Variants in NKAIN2 observed in about 807,000 individuals in gnomAD.
NKAIN2 encodes the protein sodium/potassium transporting ATPase interacting 2, also known as sodium/potassium-transporting ATPase subunit beta-1-interacting protein 2.
NKAIN2 carries 14 observed loss-of-function variants against 32.6 expected under a neutral mutation model. The ratio of observed to expected loss-of-function variants is 0.43; its 90% confidence interval spans 0.28 to 0.67. The LOEUF (loss-of-function observed/expected upper bound fraction) is 0.67. NKAIN2 is among the 30% of genes least tolerant of loss of function. The pLI is 0.17. For missense variants in NKAIN2, 198 were observed against 258.3 expected (o/e 0.77, Z 1.60); for synonymous variants, 80 against 87.2 (o/e 0.92, Z 0.46).
intron 5 of NKAIN2, among the ~76,000 whole-genome samples, chr6:124,792,998 A>G (rs1398197995): frequency 6.6e-6 from 1 of 152,116 alleles, no homozygotes; most frequent in East Asian, 1.9e-4. Flanking sequence ...GAAGAGACTC[A>G]AGAGGGGGAA....
Position 124,189,180 on chromosome 6 carries a change from C to T in NKAIN2, c.55-93825C>T, listed in dbSNP as rs1400688058. On this transcript the variant is annotated intron_variant, in intron 1 of 6. Transcript: ENST00000368417. ...ATCAGAAATAACCCAAGCAACAAAC[C>T]ATGAGATTATTCAGATAAATATAAT... 2.6e-5 allele frequency among the ~76,000 whole-genome samples: 4 copies of T among 152,184 alleles called. No individual in the cohort carries two copies. The East Asian group carries it at 7.7e-4, about 29-fold the overall frequency.
intron 3 of NKAIN2, among the ~76,000 whole-genome samples, chr6:124,584,371 G>T (rs1490712007): frequency 6.6e-6 from 1 of 152,108 alleles, no homozygotes; most frequent in Non-Finnish European, 1.5e-5. Context: ...GACATATAAG[G>T]CCAGGCATGG....
intron 3 of NKAIN2, among the ~76,000 whole-genome samples, chr6:124,418,096 T>C (rs1056810654): frequency 6.6e-6 from 1 of 152,066 alleles, no homozygotes; most frequent in African/African-American, 2.4e-5. Flanking sequence ...GCATTAAATA[T>C]ATTTCAGCTT....
chr6:123,878,765 T>G (rs1302437796), intron 1 of NKAIN2, among the ~76,000 whole-genome samples: 1 of 152,150 alleles, frequency 6.6e-6, no homozygotes, highest in Non-Finnish European at 1.5e-5. Context: ...TACTCTATAT[T>G]TTGGCATTGC....
intron 1 of NKAIN2, among the ~76,000 whole-genome samples, chr6:123,933,357 T>C (rs1776349894): frequency 6.6e-6 from 1 of 152,226 alleles, no homozygotes; most frequent in Admixed American, 6.5e-5. Context: ...ATTTAACTTA[T>C]TTGCATAAAC....
chr6:124,608,983 G>T (rs1302066189), intron 3 of NKAIN2, among the ~76,000 whole-genome samples: 1 of 152,156 alleles, frequency 6.6e-6, no homozygotes, highest in Non-Finnish European at 1.5e-5. Flanking sequence ...CTGAAAATCA[G>T]CTGTCTCTTA....
intron 1 of NKAIN2, among the ~76,000 whole-genome samples, chr6:123,948,342 C>T (rs1257207752): frequency 1.3e-5 from 2 of 151,970 alleles, no homozygotes; most frequent in African/African-American, 4.8e-5. Context: ...GAGAAATTTC[C>T]ATACTCTTTT....
chr6:124,371,896 A>G (rs11755888), intron 3 of NKAIN2, among the ~76,000 whole-genome samples: 32,285 of 151,876 alleles, frequency 0.21, 3,593 homozygotes, highest in Admixed American at 0.29. Flanking sequence ...CGAGTATTGC[A>G]TAAGATCAAA....
intron 1 of NKAIN2, among the ~76,000 whole-genome samples, chr6:124,242,508 C>G (rs1336121340): frequency 6.6e-6 from 1 of 151,946 alleles, no homozygotes; most frequent in Non-Finnish European, 1.5e-5. Flanking sequence ...GATCCAGAAC[C>G]AGAAATACCA....
chr6:124,036,486 C>T (rs1321630044), intron 1 of NKAIN2, among the ~76,000 whole-genome samples: 1 of 152,084 alleles, frequency 6.6e-6, no homozygotes, highest in Non-Finnish European at 1.5e-5. Flanking sequence ...AAGTTCCTTT[C>T]CATCCAGCCT....
chr6:124,412,189 G>T (rs909830533), intron 3 of NKAIN2, among the ~76,000 whole-genome samples: 6 of 152,246 alleles, frequency 3.9e-5, no homozygotes, highest in South Asian at 4.1e-4. Context: ...CTCAAAGTCA[G>T]TCTCCGTCCA....
intron 1 of NKAIN2, among the ~76,000 whole-genome samples, chr6:123,809,302 A>T (rs1000574771): frequency 1.3e-5 from 2 of 151,644 alleles, no homozygotes; most frequent in Non-Finnish European, 2.9e-5. Flanking sequence ...AATATAATAA[A>T]ATACATAAGC....
At chr6:124,366,154 T>A (rs1490944538) in intron 3 of NKAIN2, among the ~76,000 whole-genome samples, 1 of 151,982 alleles carries the variant, frequency 6.6e-6, no homozygotes, top group Non-Finnish European at 1.5e-5. Flanking sequence ...TCAATGCATA[T>A]ACAATAGGGG....
At chr6:124,386,066 TC>T (rs1456880913) in intron 3 of NKAIN2, among the ~76,000 whole-genome samples, 6 of 152,086 alleles carry the variant, frequency 3.9e-5, no homozygotes, top group Admixed American at 1.3e-4. Flanking sequence ...AAAATGGGTG[TC>T]CTTTAAAGAT....
At chr6:123,885,422 T>C (rs1773667326) in intron 1 of NKAIN2, among the ~76,000 whole-genome samples, 1 of 152,098 alleles carries the variant, frequency 6.6e-6, no homozygotes, top group Non-Finnish European at 1.5e-5. Context: ...TGCATTGGTA[T>C]TGAAAAAGGA....
At chr6:123,948,160 A>C (rs1010991886) in intron 1 of NKAIN2, among the ~76,000 whole-genome samples, 10 of 151,934 alleles carry the variant, frequency 6.6e-5, no homozygotes, top group Admixed American at 6.6e-4. Context: ...TTCTTTATCC[A>C]TTTGTCTATT....
intron 4 of NKAIN2, among the ~76,000 whole-genome samples, chr6:124,707,663 C>T (rs926184675): frequency 4.0e-5 from 6 of 151,262 alleles, no homozygotes; most frequent in African/African-American, 1.5e-4. Flanking sequence ...CTGTTCATGT[C>T]CTTGGCCCAC....
intron 1 of NKAIN2, among the ~76,000 whole-genome samples, chr6:124,157,421 A>T (rs1186071419): frequency 6.6e-6 from 1 of 152,098 alleles, no homozygotes; most frequent in Admixed American, 6.6e-5. Context: ...ATTGTCTGAC[A>T]TTGTTCACAA....
intron 1 of NKAIN2, among the ~76,000 whole-genome samples, chr6:123,841,160 A>G (rs972271638): frequency 5.3e-5 from 8 of 152,184 alleles, no homozygotes; most frequent in Non-Finnish European, 8.8e-5. Context: ...TATGTACACA[A>G]ATAGAAGAAG....
Sources: allele counts gnomAD v4.1 joint callset (sites outside exome capture counted in the v4.1 genomes callset), GRCh38; gene constraint gnomAD v4.1.1; transcripts MANE v1.5; gene names NCBI Gene and HGNC (gene_info 2026-07-23, HGNC 2026-07-21).